The following ATP13A4 variants were observed in gnomAD, a reference collection of about 807,000 sequenced individuals.
ATP13A4 encodes the protein probable cation-transporting ATPase 13A4.
A neutral mutation model predicts 142.5 loss-of-function variants in ATP13A4; 114 were observed. The observed-to-expected ratio is 0.80, with a 90% CI of 0.69 to 0.93. The LOEUF is 0.93. ATP13A4 is among the 40% of genes least tolerant of loss of function. The pLI is 0.00. For missense variants in ATP13A4, 1,392 were observed against 1,454.0 expected (o/e 0.96, Z 0.69); for synonymous variants, 488 against 514.8 (o/e 0.95, Z 0.70).
At chr3:193,504,193 T>C (rs1720728042) in intron 2 of ATP13A4, among the ~76,000 whole-genome samples, 1 of 152,022 alleles carries the variant, frequency 6.6e-6, no homozygotes, top group African/African-American at 2.4e-5. Flanking sequence ...TCAATTCAAA[T>C]CAAATTGTAT....
At position 193,491,382 on chromosome 3, in the gene ATP13A4, G is replaced by C. The variant is rs774078571; in HGVS notation, c.550C>G (p.Pro184Ala). ...GTAACTTCAACATCGATAGTATTAG[G>C]CCCACATATTAACCTCCTATAGAAA... ...EQEIRRLICGPNTIDVEVTPI... is the reference protein window; with the variant it reads ...EQEIRRLICGANTIDVEVTPI... Residue 184 changes from proline (P) to alanine (A), a missense_variant, in exon 6 of 30, where the codon CCT becomes GCT. Transcript: ENST00000342695. 2.3e-5 allele frequency: 37 copies of C among 1,596,298 alleles called. No individual in the cohort carries two copies. The highest frequency in any genetic ancestry group is 3.3e-5 in the Admixed American group (2 of 59,944).
chr3:193,571,353 T>C (rs530720950), intron 2 of ATP13A4, among the ~76,000 whole-genome samples: 46 of 145,738 alleles, frequency 3.2e-4, no homozygotes, highest in Non-Finnish European at 5.4e-4. Flanking sequence ...ATGGGGAGAA[T>C]AGATAAATCT....
chr3:193,414,695 C>G lies in ATP13A4; in HGVS notation c.2898G>C (p.Leu966=), dbSNP rs1441344013. The G allele has an allele frequency of 3.7e-6, 6 of 1,614,140 alleles. No homozygotes were observed. The highest frequency in any genetic ancestry group is 5.1e-6 in the Non-Finnish European group (6 of 1,180,014). The change falls in exon 26 of 30, where the codon CTG becomes CTC. Residue 966 remains leucine, a synonymous_variant. Coordinates refer to ENST00000342695, the MANE Select transcript of ATP13A4 (RefSeq NM_032279.4). ...CAGAGAGTAGCAGAGGTGGAGAGAT[C>G]AGCCGTCCTGCAGGTCTGAAAGGCA... ...KLVPFRPAGR[L]ISPPLLLSVI...
intron 9 of ATP13A4, among the ~76,000 whole-genome samples, chr3:193,468,986 T>C (rs1718462790): frequency 6.6e-6 from 1 of 152,206 alleles, no homozygotes; most frequent in African/African-American, 2.4e-5. Flanking sequence ...TGTAGGCAGT[T>C]TGAGATTTAT....
chr3:193,399,845 CAAAAAAAAAA>C lies in ATP13A4; in HGVS notation c.*2797_*2806del, dbSNP rs71177402. Among the ~76,000 whole-genome samples the C allele has an allele frequency of 2.8e-5, 2 of 72,708 alleles. No homozygotes were observed. Among genetic ancestry groups the C allele is most frequent in the Non-Finnish European group, 4.7e-5 (2 of 42,194 alleles). The allele number at this position is 72,708 out of a possible 152,430, so 47.7% of individuals were successfully genotyped here. On this transcript the variant is annotated 3_prime_UTR_variant, in exon 30 of 30. Transcript: ENST00000342695. ...TGGGCAACAGAGTGAGACTCCATCT[CAAAAAAAAAA>C]AAAAAAAAAAAAGGTTCACATCACA...
chr3:193,442,571 G>A lies in ATP13A4; in HGVS notation c.2153-15C>T. 6.2e-7 allele frequency: 1 copy of A among 1,610,902 alleles called. No individual in the cohort carries two copies. Among genetic ancestry groups the A allele is most frequent in the Non-Finnish European group, 8.5e-7 (1 of 1,177,492 alleles). The stretch of plus-strand genomic sequence containing the variant: ...AAGATTGTCACCTAGAGGAAAGGAG[G>A]AGTATCTCAAGATGAGGTTGACAAG... On this transcript the variant is annotated splice_polypyrimidine_tract_variant and intron_variant, in intron 18 of 29. Coordinates refer to ENST00000342695, the MANE Select transcript of ATP13A4 (RefSeq NM_032279.4).
chr3:193,535,389 T>C (rs1722540688), intron 1 of ATP13A4, among the ~76,000 whole-genome samples: 1 of 151,592 alleles, frequency 6.6e-6, no homozygotes, highest in Non-Finnish European at 1.5e-5. Context: ...AACAAAAAAC[T>C]CTCCAAACCA....
intron 2 of ATP13A4, chr3:193,579,042 C>T (rs73065814): frequency 0.024 from 4,499 of 186,218 alleles, 189 homozygotes; most frequent in African/African-American, 0.092. Flanking sequence ...TTGGAGATAC[C>T]AGCTTCAAAG....
rs1714187436 is a variant in ATP13A4, at chr3:193,399,225, T to C, written c.*3427A>G. Among the ~76,000 whole-genome samples, 1 of 152,200 alleles carries C rather than the reference T, an allele frequency of 6.6e-6. No homozygotes were observed. The highest frequency in any genetic ancestry group is 1.5e-5 in the Non-Finnish European group (1 of 68,038). On this transcript the variant is annotated 3_prime_UTR_variant, in exon 30 of 30. Transcript: ENST00000342695. ...TGGACTATGTGACTGTGTTCGTTTC[T>C]CCTTCAGACTCTGCTCAAGAAAGTG...
At chr3:193,440,668 A>G (rs1226272966) in intron 20 of ATP13A4, 31 bp from the exon 21 acceptor site, 2 of 1,605,772 alleles carry the variant, frequency 1.2e-6, no homozygotes, top group Admixed American at 1.7e-5. Flanking sequence ...AGATTTTTTT[A>G]TCAAGTCATC....
intron 25 of ATP13A4, among the ~76,000 whole-genome samples, chr3:193,429,110 C>T (rs1715834173): frequency 6.6e-6 from 1 of 152,020 alleles, no homozygotes; most frequent in Admixed American, 6.6e-5. Context: ...TAAGATATCA[C>T]TCCAAACCTA....
chr3:193,538,534 C>T (rs973989490), intron 1 of ATP13A4, among the ~76,000 whole-genome samples: 4 of 151,104 alleles, frequency 2.6e-5, no homozygotes, highest in Non-Finnish European at 4.4e-5. Context: ...TTAAACAGGG[C>T]CATAGCAGCT....
intron 29 of ATP13A4, 141 bp from the exon 30 acceptor site, chr3:193,403,005 A>ATT: frequency 1.3e-6 from 1 of 781,620 alleles, no homozygotes; most frequent in East Asian, 2.7e-5. Context: ...GACCAATCTA[A>ATT]GGTGGTTTCA....
chr3:193,492,752 G>T (rs1457286097), intron 5 of ATP13A4, among the ~76,000 whole-genome samples, 165 bp downstream of exon 5: 2 of 152,108 alleles, frequency 1.3e-5, no homozygotes, highest in Non-Finnish European at 2.9e-5. Context: ...TTGCTGTGAA[G>T]ATGATGTAAT....
At chr3:193,470,636 A>C (rs1718563483) in intron 9 of ATP13A4, among the ~76,000 whole-genome samples, 1 of 152,236 alleles carries the variant, frequency 6.6e-6, no homozygotes, top group South Asian at 2.1e-4. Context: ...TCAAAAACTT[A>C]TTATTGTATC....
At chr3:193,464,487 T>C (rs1718147202) in intron 12 of ATP13A4, among the ~76,000 whole-genome samples, 1 of 152,250 alleles carries the variant, frequency 6.6e-6, no homozygotes, top group South Asian at 2.1e-4. Context: ...AAAAGCTTGA[T>C]ATGAGTATCA....
At chr3:193,539,312 T>C (rs1042888364) in intron 1 of ATP13A4, among the ~76,000 whole-genome samples, 3 of 152,336 alleles carry the variant, frequency 2.0e-5, no homozygotes, top group Admixed American at 2.0e-4. Context: ...TAACACCATC[T>C]TGAAGCAAAA....
At chr3:193,521,840 G>A (rs1402896168) in intron 1 of ATP13A4, among the ~76,000 whole-genome samples, 2 of 152,190 alleles carry the variant, frequency 1.3e-5, no homozygotes, top group African/African-American at 2.4e-5. Flanking sequence ...GGCTGAGGCA[G>A]GAGAATGGTG....
intron 8 of ATP13A4, among the ~76,000 whole-genome samples, chr3:193,474,653 A>C (rs1361690945): frequency 1.3e-5 from 2 of 150,116 alleles, no homozygotes; most frequent in Non-Finnish European, 3.0e-5. Flanking sequence ...GAAAGGAAGA[A>C]AGAAAGAAAG....
Sources: gnomAD v4.1 joint callset for allele counts (sites outside exome capture counted in the v4.1 genomes callset) on GRCh38, gnomAD v4.1.1 for gene constraint, MANE v1.5 for transcripts, NCBI Gene and HGNC (gene_info 2026-07-23, HGNC 2026-07-21) for gene names.